Variants in TMEM178A observed in about 807,000 individuals in gnomAD.
TMEM178A encodes the protein transmembrane protein 178A.
TMEM178A carries 12 observed loss-of-function variants against 29.1 expected under a neutral mutation model. That is an observed-to-expected ratio of 0.41 (90% CI 0.26 to 0.67). TMEM178A has a LOEUF of 0.67. Ranked by LOEUF, TMEM178A falls within the 30% of genes least tolerant of loss-of-function variation. The pLI, the probability that TMEM178A is intolerant of heterozygous loss-of-function variation, is 0.29. For synonymous variants in TMEM178A, 210 were observed against 187.2 expected, an observed-to-expected ratio of 1.12 and a Z score of -0.99; for missense variants, 366 against 419.1, an observed-to-expected ratio of 0.87 and a Z score of 1.11.
intron 3 of TMEM178A, among the ~76,000 whole-genome samples, chr2:39,708,068 A>G (rs905375714): frequency 6.6e-6 from 1 of 152,230 alleles, no homozygotes; most frequent in Non-Finnish European, 1.5e-5. Flanking sequence ...GTGGAGAGAC[A>G]TAAACAATGA....
chr2:39,687,136 T>C (rs1344498773), intron 1 of TMEM178A, among the ~76,000 whole-genome samples: 1 of 151,974 alleles, frequency 6.6e-6, no homozygotes, highest in East Asian at 1.9e-4. Flanking sequence ...TTAGATATGA[T>C]AAGGATGGGT....
intron 2 of TMEM178A, among the ~76,000 whole-genome samples, chr2:39,706,782 G>A (rs892376427): frequency 2.0e-5 from 3 of 152,044 alleles, no homozygotes; most frequent in African/African-American, 7.2e-5. Context: ...GTCTATCCTG[G>A]GCTTGTCCTC....
chr2:39,712,444 T>C (rs1043420918), intron 3 of TMEM178A, among the ~76,000 whole-genome samples: 3 of 152,210 alleles, frequency 2.0e-5, no homozygotes, highest in Admixed American at 6.5e-5. Context: ...GCAAGGATGA[T>C]AGCATAAATT....
At chr2:39,707,435 A>G (rs192081061) in intron 3 of TMEM178A, among the ~76,000 whole-genome samples, 8 of 152,144 alleles carry the variant, frequency 5.3e-5, no homozygotes, top group Admixed American at 2.6e-4. Context: ...TTTAATCTCT[A>G]TATGAGCCCA....
intron 1 of TMEM178A, among the ~76,000 whole-genome samples, chr2:39,685,377 CT>C (rs1165249958): frequency 2.6e-5 from 4 of 152,200 alleles, no homozygotes; most frequent in Non-Finnish European, 5.9e-5. Flanking sequence ...CTCAGGCACC[CT>C]GTTCTATGAT....
chr2:39,680,064 T>C (rs76697526), intron 1 of TMEM178A, among the ~76,000 whole-genome samples: 2,563 of 152,272 alleles, frequency 0.017, 30 homozygotes, highest in Non-Finnish European at 0.026. Flanking sequence ...TTGCAGTTTA[T>C]TGAGGTGACA....
At chr2:39,689,713 A>G (rs1243252192) in intron 1 of TMEM178A, among the ~76,000 whole-genome samples, 1 of 152,226 alleles carries the variant, frequency 6.6e-6, no homozygotes. Context: ...AGTGGTTAAG[A>G]AACAGTGATG....
chr2:39,706,436 C>T (rs770676729), intron 2 of TMEM178A, among the ~76,000 whole-genome samples: 1 of 152,168 alleles, frequency 6.6e-6, no homozygotes, highest in Admixed American at 6.5e-5. Context: ...CACCACTGTT[C>T]CACTCACCAC....
At chr2:39,697,697 T>C (rs1386773845) in intron 1 of TMEM178A, 1 of 152,272 alleles carries the variant, frequency 6.6e-6, no homozygotes, top group Non-Finnish European at 1.5e-5. Context: ...GAAAGGCGAT[T>C]TGGTGATGTG....
At chr2:39,709,094 A>G (rs1221169044) in intron 3 of TMEM178A, among the ~76,000 whole-genome samples, 1 of 152,220 alleles carries the variant, frequency 6.6e-6, no homozygotes, top group Non-Finnish European at 1.5e-5. Context: ...TCACTTAATT[A>G]AGCCTGCGTT....
chr2:39,703,996 G>A, intron 1 of TMEM178A, 85 bp from the exon 2 acceptor site: 2 of 1,067,780 alleles, frequency 1.9e-6, no homozygotes, highest in Non-Finnish European at 2.8e-6. Flanking sequence ...TTCAACCCAG[G>A]TTAGGTTACG....
intron 3 of TMEM178A, among the ~76,000 whole-genome samples, chr2:39,713,946 A>G (rs1672425432): frequency 6.6e-6 from 1 of 152,146 alleles, no homozygotes; most frequent in Non-Finnish European, 1.5e-5. Flanking sequence ...TCTTTTACAG[A>G]AGCTTGTTGG....
intron 3 of TMEM178A, among the ~76,000 whole-genome samples, chr2:39,708,966 C>T (rs1672183804): frequency 6.6e-6 from 1 of 152,158 alleles, no homozygotes; most frequent in Non-Finnish European, 1.5e-5. Context: ...TACTCAGCAA[C>T]AGAACTAATA....
chr2:39,726,948 C>T, the TMEM178A span, among the ~76,000 whole-genome samples: 1 of 152,188 alleles, frequency 6.6e-6, no homozygotes, highest in African/African-American at 2.4e-5. Context: ...TTCAAATCTC[C>T]TGACTCTCTT....
chr2:39,679,115 T>C (rs1199718816), intron 1 of TMEM178A, among the ~76,000 whole-genome samples: 1 of 152,208 alleles, frequency 6.6e-6, no homozygotes, highest in Non-Finnish European at 1.5e-5. Context: ...TTCTACATTG[T>C]ACTGTATGGT....
chr2:39,726,026 A>C, the TMEM178A span, among the ~76,000 whole-genome samples: 2 of 152,186 alleles, frequency 1.3e-5, no homozygotes, highest in Non-Finnish European at 2.9e-5. Context: ...ATAGTGAATA[A>C]ATCAAAGCTG....
chr2:39,726,804 G>A, the TMEM178A span, among the ~76,000 whole-genome samples: 3 of 152,240 alleles, frequency 2.0e-5, no homozygotes, highest in African/African-American at 7.2e-5. Context: ...TGTAAGGGTT[G>A]GGGGTGGGTA....
chr2:39,683,300 C>T (rs1376769604), intron 1 of TMEM178A, among the ~76,000 whole-genome samples: 1 of 152,156 alleles, frequency 6.6e-6, no homozygotes, highest in Non-Finnish European at 1.5e-5. Context: ...TCCAGCAAAG[C>T]CGAGAATGTT....
At chr2:39,674,120 A>G (rs1263436049) in intron 1 of TMEM178A, among the ~76,000 whole-genome samples, 1 of 152,224 alleles carries the variant, frequency 6.6e-6, no homozygotes, top group Non-Finnish European at 1.5e-5. Context: ...ACTTACAAGT[A>G]TTGGAAAAAC....
Sources: gnomAD v4.1 joint callset for allele counts (sites outside exome capture counted in the v4.1 genomes callset) on GRCh38, gnomAD v4.1.1 for gene constraint, MANE v1.5 for transcripts, NCBI Gene and HGNC (gene_info 2026-07-23, HGNC 2026-07-21) for gene names.